The following SAMSN1 variants were observed in gnomAD, a reference collection of about 807,000 sequenced individuals.
SAMSN1 encodes SAM domain-containing protein SAMSN-1.
A neutral mutation model predicts 42.0 loss-of-function variants in SAMSN1; 31 were observed. That is an observed-to-expected ratio of 0.74 (90% CI 0.55 to 1.00). The LOEUF (loss-of-function observed/expected upper bound fraction) is 1.00. Among genes scored for constraint, SAMSN1 ranks in the 50% least tolerant of loss-of-function variants. The probability of loss-of-function intolerance (pLI) is 0.00; values close to 1 mark genes in which losing one functional copy is unlikely to be tolerated. For missense variants in SAMSN1, 464 were observed against 439.4 expected (o/e 1.06, Z -0.50); for synonymous variants, 178 against 151.9 (o/e 1.17, Z -1.26).
chr21:14,627,177 A>T (rs1194335799), intron 2 of SAMSN1, among the ~76,000 whole-genome samples: 1 of 152,062 alleles, frequency 6.6e-6, no homozygotes, highest in Non-Finnish European at 1.5e-5. Context: ...ACCTAATGTA[A>T]ATGATGAGTT....
chr21:14,595,167 GCCC>G, intron 6 of SAMSN1, among the ~76,000 whole-genome samples: 1 of 152,152 alleles, frequency 6.6e-6, no homozygotes, highest in South Asian at 2.1e-4. Context: ...CTCCTACCAG[GCCC>G]CACCTACAAC....
upstream of SAMSN1, chr21:14,583,800 A>C: frequency 1.4e-6 from 1 of 708,998 alleles, no homozygotes; most frequent in East Asian, 2.7e-5. Context: ...AGCTCAAGGT[A>C]AAGACAAATT....
At chr21:14,487,114 C>A (rs1284887587) in intron 7 of SAMSN1, among the ~76,000 whole-genome samples, 1 of 152,062 alleles carries the variant, frequency 6.6e-6, no homozygotes, top group Non-Finnish European at 1.5e-5. Context: ...CTTGGGGCTT[C>A]ACCACTGTAG....
intron 1 of SAMSN1, among the ~76,000 whole-genome samples, chr21:14,523,781 T>C (rs1394269826): frequency 6.6e-6 from 1 of 152,198 alleles, no homozygotes; most frequent in Non-Finnish European, 1.5e-5. Flanking sequence ...CAGAATAGAC[T>C]CGTTTCAGCA....
intron 6 of SAMSN1, among the ~76,000 whole-genome samples, chr21:14,499,219 G>T (rs1208182286): frequency 1.3e-5 from 2 of 152,138 alleles, no homozygotes; most frequent in Non-Finnish European, 2.9e-5. Flanking sequence ...TGTTTTCTCA[G>T]CATGTATATT....
At chr21:14,612,289 G>T (rs961719503) in intron 4 of SAMSN1, among the ~76,000 whole-genome samples, 3 of 152,118 alleles carry the variant, frequency 2.0e-5, no homozygotes, top group African/African-American at 7.2e-5. Context: ...TTCACATTGT[G>T]AATGTTTTAT....
intron 2 of SAMSN1, among the ~76,000 whole-genome samples, chr21:14,560,320 T>G (rs1182542145): frequency 6.6e-6 from 1 of 152,206 alleles, no homozygotes; most frequent in Non-Finnish European, 1.5e-5. Context: ...AAACCATCTT[T>G]GCAAGATTAT....
At chr21:14,629,298 C>A (rs769186648) in intron 2 of SAMSN1, among the ~76,000 whole-genome samples, 2 of 152,164 alleles carry the variant, frequency 1.3e-5, no homozygotes, top group South Asian at 2.1e-4. Context: ...TTTGTAGCTG[C>A]CATCATCATC....
At chr21:14,620,675 A>T (rs1487392681) in intron 2 of SAMSN1, among the ~76,000 whole-genome samples, 1 of 152,240 alleles carries the variant, frequency 6.6e-6, no homozygotes, top group Admixed American at 6.5e-5. Context: ...TGTTGATCTC[A>T]GAATCCTATT....
At chr21:14,554,553 T>G (rs1214077025) in intron 2 of SAMSN1, among the ~76,000 whole-genome samples, 2 of 152,130 alleles carry the variant, frequency 1.3e-5, no homozygotes, top group Non-Finnish European at 2.9e-5. Flanking sequence ...CTTTCATATT[T>G]AAGCTGTTGT....
At chr21:14,546,454 T>TAA (rs1364233795), upstream of SAMSN1, 2 of 819,764 alleles carry the variant, frequency 2.4e-6, no homozygotes, top group Non-Finnish European at 3.5e-6. Context: ...AATTCTTTGG[T>TAA]AACTCTTTAT....
intron 3 of SAMSN1, among the ~76,000 whole-genome samples, chr21:14,513,517 G>A (rs1361268576): frequency 7.2e-6 from 1 of 137,934 alleles, no homozygotes; most frequent in Non-Finnish European, 1.7e-5. Flanking sequence ...GTGTTTGTGT[G>A]TGCGTGTGTG....
intron 6 of SAMSN1, among the ~76,000 whole-genome samples, chr21:14,600,942 A>G (rs1982412876): frequency 6.6e-6 from 1 of 152,218 alleles, no homozygotes; most frequent in Non-Finnish European, 1.5e-5. Flanking sequence ...TGAATTTTTG[A>G]AAGTATGTCT....
chr21:14,508,486 C>A (rs1284779349), intron 5 of SAMSN1, among the ~76,000 whole-genome samples: 1 of 152,116 alleles, frequency 6.6e-6, no homozygotes, highest in African/African-American at 2.4e-5. Context: ...GAGGGAAATG[C>A]AAATCAAAAC....
At chr21:14,509,489 A>G (rs1193264121) in intron 5 of SAMSN1, among the ~76,000 whole-genome samples, 2 of 152,184 alleles carry the variant, frequency 1.3e-5, no homozygotes, top group African/African-American at 4.8e-5. Flanking sequence ...AATAACCGCT[A>G]AAGAACTTAC....
At position 14,637,936 on chromosome 21, in the gene SAMSN1, T is replaced by C. The variant is rs1983505714; in HGVS notation, c.156+5066A>G. ...CAGTGGTGAGATGGCACTGTTTGTG[T>C]GTGTGTGTGTTTTGGTTTGAGTGTA... is the stretch of plus-strand genomic sequence containing the variant. On this transcript the variant is annotated intron_variant, in intron 2 of 15. Coordinates refer to the SAMSN1 transcript ENST00000647101. Among the ~76,000 whole-genome samples the C allele has an allele frequency of 5.3e-5, 8 of 152,258 alleles. 1 individual carries two copies. The South Asian group carries it at 1.7e-3, about 32-fold the overall frequency.
upstream of SAMSN1, among the ~76,000 whole-genome samples, chr21:14,587,224 G>C (rs1440008622): frequency 6.6e-6 from 1 of 151,936 alleles, no homozygotes; most frequent in African/African-American, 2.4e-5. Context: ...TTGATCCTAG[G>C]CATTTGTATC....
chr21:14,613,779 A>C (rs1982767551), intron 3 of SAMSN1, among the ~76,000 whole-genome samples: 1 of 152,118 alleles, frequency 6.6e-6, no homozygotes, highest in South Asian at 2.1e-4. Context: ...GAAAGTATGC[A>C]GTCACTGAAG....
intron 7 of SAMSN1, among the ~76,000 whole-genome samples, chr21:14,496,642 C>T (rs1191212100): frequency 6.6e-6 from 1 of 152,182 alleles, no homozygotes; most frequent in Non-Finnish European, 1.5e-5. Flanking sequence ...TATCTGTTTA[C>T]ACTGATCAAT....
Sources: gnomAD v4.1 joint callset for allele counts (sites outside exome capture counted in the v4.1 genomes callset) on GRCh38, gnomAD v4.1.1 for gene constraint, MANE v1.5 for transcripts, NCBI Gene and HGNC (gene_info 2026-07-23, HGNC 2026-07-21) for gene names.